Variants in SCN10A observed in about 807,000 individuals in gnomAD.
SCN10A encodes sodium voltage-gated channel alpha subunit 10.
Under a neutral mutation model 170.7 loss-of-function variants are expected in SCN10A, and 162 were observed. That is an observed-to-expected ratio of 0.95 (90% CI 0.84 to 1.08). The LOEUF is 1.08. Ranked by LOEUF, SCN10A falls within the 50% of genes least tolerant of loss-of-function variation. The pLI, the probability that SCN10A is intolerant of heterozygous loss-of-function variation, is 0.00. For missense variants in SCN10A, 2,527 were observed against 2,436.9 expected, an observed-to-expected ratio of 1.04 and a Z score of -0.78; for synonymous variants, 985 against 904.6, an observed-to-expected ratio of 1.09 and a Z score of -1.59.
rs368882064 is a variant in SCN10A, at chr3:38,756,003, A to G, written c.1291-45T>C. ...GGTGTAGCCAATAGTATTTGCTTGG[A>G]CTTAGCATGAATGTGTCCCCCAGAC... On this transcript the variant is annotated intron_variant, in intron 10 of 27. Transcript: ENST00000449082. The G allele has an allele frequency of 1.3e-5, 21 of 1,606,928 alleles. No homozygotes were observed. The African/African-American group carries it at 2.7e-4, about 20-fold the overall frequency.
rs2063281305 is a variant in SCN10A at position 38,712,180 on chromosome 3, T to C, written c.4070A>G (p.Tyr1357Cys). ...KVNFDNVAMGYLALLQVATFK... is the reference protein window; with the variant it reads ...KVNFDNVAMGCLALLQVATFK... ...ACTCACCACCTGCAGAAGTGCAAGG[T>C]AACCCATTGCAACATTATCAAAGTT... Residue 1357 changes from tyrosine (Y) to cysteine (C), a missense_variant, in exon 23 of 28, where the codon TAC (tyrosine) becomes TGC (cysteine). Tyr to Cys is a radical substitution (Grantham distance 194). Coordinates refer to ENST00000449082, the MANE Select transcript of SCN10A (RefSeq NM_006514.4). The C allele has an allele frequency of 6.2e-7, 1 of 1,614,112 alleles. No homozygotes were observed. The highest frequency in any genetic ancestry group is 8.5e-7 in the Non-Finnish European group (1 of 1,179,934).
chr3:38,700,868 G>A (rs972865526), intron 27 of SCN10A, among the ~76,000 whole-genome samples: 3 of 152,196 alleles, frequency 2.0e-5, no homozygotes, highest in Non-Finnish European at 4.4e-5. Context: ...AATGCCAGGT[G>A]AAGCTGGTGA....
rs187511640 is a variant in SCN10A, at chr3:38,714,598, G to A, written c.3682-518C>T. ...CCTGATTTTTTGTGAGCTTGGGTTAGTGCCTGGCTAGTCCAGGGTACTTTC... is the reference window on the plus strand; with the variant it reads ...CCTGATTTTTTGTGAGCTTGGGTTAATGCCTGGCTAGTCCAGGGTACTTTC... On this transcript the variant is annotated intron_variant, in intron 21 of 27. Transcript: ENST00000449082. Among the ~76,000 whole-genome samples, 5 of 152,328 alleles carry A rather than the reference G, an allele frequency of 3.3e-5. No homozygotes were observed. The East Asian group carries it at 9.6e-4, about 29-fold the overall frequency.
intron 4 of SCN10A, among the ~76,000 whole-genome samples, chr3:38,787,738 G>T (rs556367826): frequency 6.6e-6 from 1 of 152,102 alleles, no homozygotes; most frequent in South Asian, 2.1e-4. Context: ...TTGTTACATA[G>T]GTGTACCCGT....
intron 1 of SCN10A, among the ~76,000 whole-genome samples, chr3:38,801,451 A>G (rs1159626451): frequency 6.6e-6 from 1 of 152,196 alleles, no homozygotes. Context: ...TGGACTGAAC[A>G]AGCTTATCTC....
intron 15 of SCN10A, among the ~76,000 whole-genome samples, chr3:38,738,183 C>T (rs943891197): frequency 6.6e-5 from 10 of 152,070 alleles, no homozygotes; most frequent in Admixed American, 1.3e-4. Context: ...CTGCCTGCCT[C>T]GGCCTCCCAA....
intron 25 of SCN10A, 74 bp from the exon 26 acceptor site, chr3:38,707,457 A>T: frequency 6.8e-7 from 1 of 1,472,828 alleles, no homozygotes; most frequent in African/African-American, 1.4e-5. Context: ...CAGGCAGGAG[A>T]GAAAGGATCA....
intron 2 of SCN10A, among the ~76,000 whole-genome samples, chr3:38,792,991 A>G (rs1376250584): frequency 6.6e-6 from 1 of 152,042 alleles, no homozygotes; most frequent in Non-Finnish European, 1.5e-5. Context: ...CTATATATAC[A>G]TAACTAGCTA....
At chr3:38,793,628 A>G (rs1415960133) in intron 2 of SCN10A, 113 bp downstream of exon 2, 15 of 1,012,166 alleles carry the variant, frequency 1.5e-5, no homozygotes, top group South Asian at 3.4e-5. Flanking sequence ...TGTTAACGGA[A>G]TCTTTAGCAG....
chr3:38,810,191 C>A (rs545755588), intron 1 of SCN10A, among the ~76,000 whole-genome samples: 2 of 152,258 alleles, frequency 1.3e-5, no homozygotes, highest in African/African-American at 2.4e-5. Flanking sequence ...GAACAATAAT[C>A]CCCCTTTTTT....
At chr3:38,754,550 A>G (rs2063782692) in intron 11 of SCN10A, among the ~76,000 whole-genome samples, 2 of 152,236 alleles carry the variant, frequency 1.3e-5, no homozygotes, top group African/African-American at 4.8e-5. Flanking sequence ...GGGGGAAATT[A>G]AAGCCCAATT....
Position 38,750,089 on chromosome 3 carries a change from T to A in SCN10A, c.1851A>T (p.Ile617=). 6.2e-7 allele frequency: 1 copy of A among 1,604,578 alleles called. No individual in the cohort carries two copies. The highest frequency in any genetic ancestry group is 8.5e-7 in the Non-Finnish European group (1 of 1,171,620). The change falls in exon 13 of 28, where the codon ATA becomes ATT. Residue 617 remains isoleucine (I), a synonymous_variant. Coordinates refer to ENST00000449082, the MANE Select transcript of SCN10A (RefSeq NM_006514.4). ...AQRAMSVVSI[I]TSVLEELEES... is the part of the protein sequence containing the mutation. The stretch of plus-strand genomic sequence containing the variant: ...AGCACTTACCCTCAAGGACGGAGGT[T>A]ATGATACTGACAACACTCATTGCCC...
At chr3:38,811,621 C>T (rs2064441756) in intron 1 of SCN10A, among the ~76,000 whole-genome samples, 1 of 152,158 alleles carries the variant, frequency 6.6e-6, no homozygotes, top group Admixed American at 6.5e-5. Context: ...GTGCTACCCA[C>T]TTTGTCTGAT....
chr3:38,723,296 C>G, intron 19 of SCN10A, 134 bp downstream of exon 19: 1 of 1,078,386 alleles, frequency 9.3e-7, no homozygotes, highest in African/African-American at 1.5e-5. Flanking sequence ...GATGCGGGCG[C>G]CCTCAAGCCT....
intron 3 of SCN10A, among the ~76,000 whole-genome samples, chr3:38,791,744 G>T (rs1026679623): frequency 1.3e-4 from 20 of 152,166 alleles, no homozygotes; most frequent in African/African-American, 4.8e-4. Context: ...GTGTCTGGGG[G>T]CATCAGCAAA....
At chr3:38,768,045 T>C (rs181883390) in intron 5 of SCN10A, among the ~76,000 whole-genome samples, 1 of 152,242 alleles carries the variant, frequency 6.6e-6, no homozygotes, top group East Asian at 1.9e-4. Flanking sequence ...TTCTCTGATA[T>C]AAGAATAGCT....
intron 15 of SCN10A, among the ~76,000 whole-genome samples, chr3:38,732,785 A>G (rs763484389): frequency 3.8e-4 from 58 of 152,218 alleles, no homozygotes; most frequent in Admixed American, 2.0e-4. Flanking sequence ...GTAATTGGCT[A>G]TGTTGGTCAA....
At chr3:38,761,139 T>C (rs1575159010) in intron 7 of SCN10A, 53 bp downstream of exon 7, 2 of 1,394,438 alleles carry the variant, frequency 1.4e-6, no homozygotes, top group Non-Finnish European at 2.0e-6. Flanking sequence ...TGTCCCTATA[T>C]GATACCAAGG....
intron 26 of SCN10A, among the ~76,000 whole-genome samples, chr3:38,704,200 G>A (rs1290924090): frequency 1.3e-5 from 2 of 152,200 alleles, no homozygotes; most frequent in Non-Finnish European, 2.9e-5. Context: ...CTGCTTCATG[G>A]TGGGGATGGG....
Sources: gnomAD v4.1 joint callset for allele counts (sites outside exome capture counted in the v4.1 genomes callset) on GRCh38, gnomAD v4.1.1 for gene constraint, MANE v1.5 for transcripts, NCBI Gene and HGNC (gene_info 2026-07-23, HGNC 2026-07-21) for gene names.